The following FBXO21 variants were observed in gnomAD, a reference collection of about 807,000 sequenced individuals.
The protein encoded by FBXO21 is F-box only protein 21.
In FBXO21, 32 loss-of-function variants were observed where a neutral mutation model predicts 76.6. The observed-to-expected ratio is 0.42, with a 90% confidence interval of 0.32 to 0.56. The LOEUF is 0.56. Among genes scored for constraint, FBXO21 ranks in the 20% least tolerant of loss-of-function variants. The pLI is 0.16. For synonymous variants in FBXO21, 328 were observed against 311.5 expected, an observed-to-expected ratio of 1.05 and a Z score of -0.56; for missense variants, 586 against 797.3, an observed-to-expected ratio of 0.73 and a Z score of 3.19.
At chr12:117,152,945 A>G (rs1955861178) in intron 11 of FBXO21, among the ~76,000 whole-genome samples, 1 of 152,140 alleles carries the variant, frequency 6.6e-6, no homozygotes, top group African/African-American at 2.4e-5. Flanking sequence ...ATGACTTCAA[A>G]GAAGATGAAC....
intron 11 of FBXO21, among the ~76,000 whole-genome samples, chr12:117,149,571 G>A (rs1446311047): frequency 6.6e-6 from 1 of 152,202 alleles, no homozygotes; most frequent in Non-Finnish European, 1.5e-5. Context: ...GGTTGTAACT[G>A]AGAGCTGCTG....
At chr12:117,167,961 T>C (rs1164416427) in intron 7 of FBXO21, among the ~76,000 whole-genome samples, 1 of 152,148 alleles carries the variant, frequency 6.6e-6, no homozygotes, top group Non-Finnish European at 1.5e-5. Context: ...ACTGCACTAG[T>C]ATGCTGGGGC....
intron 3 of FBXO21, among the ~76,000 whole-genome samples, chr12:117,182,272 T>A (rs12372085): frequency 0.26 from 40,008 of 152,070 alleles, 5,525 homozygotes; most frequent in East Asian, 0.43. Flanking sequence ...GGTGGGAGGA[T>A]CACTTGAAGT....
At chr12:117,184,519 C>G (rs118082722) in intron 3 of FBXO21, among the ~76,000 whole-genome samples, 1 of 152,108 alleles carries the variant, frequency 6.6e-6, no homozygotes, top group African/African-American at 2.4e-5. Context: ...TCTGGGAAGC[C>G]GAGACCAGCA....
intron 3 of FBXO21, among the ~76,000 whole-genome samples, chr12:117,182,425 G>T (rs1027950291): frequency 5.3e-5 from 8 of 152,000 alleles, no homozygotes; most frequent in African/African-American, 2.4e-5. Context: ...AGGATTCAAG[G>T]TTACAGTGAG....
Position 117,190,228 on chromosome 12 carries a change from A to G in FBXO21, c.229T>C (p.Phe77Leu). The G allele has an allele frequency of 6.6e-7, 1 of 1,521,892 alleles. No individual in the cohort carries two copies. Among genetic ancestry groups the G allele is most frequent in the African/African-American group, 1.4e-5 (1 of 69,762 alleles). 94.3% of individuals were successfully genotyped at this position (1,521,892 alleles called of 1,614,324 possible). ...GGGCCGCTGGCTCACCTCACCCGGA[A>G]CTGCTCCTTCCACACCTTCCCGCTG... ...QSSGKVWKEQFRVRWPSLMKH... is the reference protein window; with the variant it reads ...QSSGKVWKEQLRVRWPSLMKH... Residue 77 changes from phenylalanine (F) to leucine (L), a missense_variant, in exon 1 of 12, where the codon TTC becomes CTC. This residue lies in a region of FBXO21 where 152 missense variants were observed against 127.2 expected (regional missense o/e 1.19). Coordinates refer to ENST00000622495, the MANE Select transcript of FBXO21 (RefSeq NM_015002.3).
At chr12:117,188,942 G>A in intron 2 of FBXO21, 1 of 318,288 alleles carries the variant, frequency 3.1e-6, no homozygotes, top group Admixed American at 4.5e-5. Flanking sequence ...GAGAAATAAT[G>A]CTGATCTGGA....
intron 3 of FBXO21, among the ~76,000 whole-genome samples, chr12:117,179,716 T>G (rs1208326039): frequency 6.6e-6 from 1 of 152,240 alleles, no homozygotes; most frequent in African/African-American, 2.4e-5. Flanking sequence ...TCAGCAGCAC[T>G]GCTACTCAAT....
At chr12:117,176,970 T>TA (rs10712360) in intron 4 of FBXO21, among the ~76,000 whole-genome samples, 4 of 151,900 alleles carry the variant, frequency 2.6e-5, no homozygotes, top group South Asian at 2.1e-4. Context: ...AAAATCATTT[T>TA]AAAAAAAATG....
chr12:117,177,424 T>C (rs1176148731), intron 4 of FBXO21, 96 bp downstream of exon 4: 1 of 1,334,080 alleles, frequency 7.5e-7, no homozygotes, highest in Non-Finnish European at 1.0e-6. Flanking sequence ...TTTTCACTTC[T>C]TTACCACAAG....
chr12:117,161,893 T>C (rs2036311), intron 9 of FBXO21, among the ~76,000 whole-genome samples: 58,914 of 152,126 alleles, frequency 0.39, 12,382 homozygotes, highest in Admixed American at 0.56. Flanking sequence ...GGGAGTAGCC[T>C]GCAGTGACAG....
chr12:117,167,906 A>ACAGCTCTTCTTG (rs1184109540), intron 7 of FBXO21, among the ~76,000 whole-genome samples: 1 of 152,188 alleles, frequency 6.6e-6, no homozygotes, highest in East Asian at 1.9e-4. Context: ...CCTTGATCAC[A>ACAGCTCTTCTTG]CAGCTCTTCT....
Position 117,174,274 on chromosome 12 carries a change from A to C in FBXO21, c.807T>G (p.Leu269=). 6.2e-7 allele frequency: 1 copy of C among 1,613,752 alleles called. No individual in the cohort carries two copies. The highest frequency in any genetic ancestry group is 8.5e-7 in the Non-Finnish European group (1 of 1,179,618). The change falls in exon 6 of 12, where the codon CTT becomes CTG. Residue 269 remains leucine, a synonymous_variant. Coordinates refer to ENST00000622495, the MANE Select transcript of FBXO21 (RefSeq NM_015002.3). ...SQVLDAMNYV[L]YDQLKFKGNR... ...TCCCCTTGAACTTCAGTTGGTCGTA[A>C]AGGACATAGTTCATGGCATCCAGCA...
intron 10 of FBXO21, 142 bp from the exon 11 acceptor site, chr12:117,156,090 T>G: frequency 1.5e-6 from 1 of 660,924 alleles, no homozygotes; most frequent in Non-Finnish European, 2.6e-6. Flanking sequence ...CCTAACCCCT[T>G]TTATAAACAC....
At position 117,173,140 on chromosome 12, in the gene FBXO21, T is replaced by C. The variant is rs546263551; in HGVS notation, c.877-533A>G. ...ACCTTTCGGGTACAAGCAATTCTCT[T>C]GCCTCAGCCTCCCGAGTAGCTGGGT... is the stretch of plus-strand genomic sequence containing the variant. On this transcript the variant is annotated intron_variant, in intron 6 of 11. Coordinates refer to ENST00000622495, the MANE Select transcript of FBXO21 (RefSeq NM_015002.3). Among the ~76,000 whole-genome samples the C allele has an allele frequency of 1.9e-3, 285 of 152,310 alleles. 2 individuals are homozygous for C. The highest frequency in any genetic ancestry group is 6.8e-3 in the Middle Eastern group (2 of 294).
intron 3 of FBXO21, 92 bp from the exon 4 acceptor site, chr12:117,177,733 C>G (rs961975188): frequency 1.9e-6 from 2 of 1,034,754 alleles, no homozygotes; most frequent in African/African-American, 3.2e-5. Context: ...GTTTGCTTAA[C>G]AAGAAAAATA....
rs2135834611 is a variant in FBXO21, at chr12:117,142,315, T to C, written c.*3772A>G. The C allele has an allele frequency of 6.6e-6, 1 of 152,332 alleles. No individual in the cohort carries two copies. The highest frequency in any genetic ancestry group is 2.1e-4 in the South Asian group (1 of 4,816). 9.4% of individuals were successfully genotyped at this position (152,332 alleles called of 1,614,324 possible). ...ACGCACACGCAGTATGACCTGGGTTTCCCCTTTATACAGTGGAATGCTAAG... is the reference window on the plus strand; with the variant it reads ...ACGCACACGCAGTATGACCTGGGTTCCCCCTTTATACAGTGGAATGCTAAG... On this transcript the variant is annotated 3_prime_UTR_variant, in exon 12 of 12. Coordinates refer to ENST00000622495, the MANE Select transcript of FBXO21 (RefSeq NM_015002.3).
intron 7 of FBXO21, 113 bp from the exon 8 acceptor site, chr12:117,167,190 C>T (rs770611188): frequency 6.3e-5 from 50 of 794,816 alleles, no homozygotes; most frequent in South Asian, 2.4e-4. Context: ...TTTCTACTTA[C>T]AATATGAAGG....
chr12:117,189,413 G>T, intron 1 of FBXO21, 51 bp from the exon 2 acceptor site: 1 of 1,608,636 alleles, frequency 6.2e-7, no homozygotes, highest in Non-Finnish European at 8.5e-7. Context: ...AAAGGCAGGC[G>T]GCCACGAATC....
Sources: gnomAD v4.1 joint callset for allele counts (sites outside exome capture counted in the v4.1 genomes callset) on GRCh38, gnomAD v4.1.1 for gene constraint, gnomAD v4.1.1 regional missense constraint, MANE v1.5 for transcripts, NCBI Gene and HGNC (gene_info 2026-07-23, HGNC 2026-07-21) for gene names.